CTNNA2: variants seen among roughly 807,000 people sequenced by gnomAD.
CTNNA2 encodes the protein catenin alpha 2.
A neutral mutation model predicts 101.0 loss-of-function variants in CTNNA2; 42 were observed. The ratio of observed to expected loss-of-function variants is 0.42; its 90% CI spans 0.32 to 0.54. The LOEUF is 0.54. Among genes scored for constraint, CTNNA2 ranks in the 20% least tolerant of loss-of-function variants. The pLI is 0.14. For missense variants in CTNNA2, 871 were observed against 1,223.1 expected, an observed-to-expected ratio of 0.71 and a Z score of 4.29; for synonymous variants, 450 against 456.4, an observed-to-expected ratio of 0.99 and a Z score of 0.18.
intron 7 of CTNNA2, among the ~76,000 whole-genome samples, chr2:80,207,564 A>C (rs893094960): frequency 1.3e-5 from 2 of 152,178 alleles, no homozygotes; most frequent in Non-Finnish European, 2.9e-5. Flanking sequence ...GATGAGGAAT[A>C]ACTAAGGGAT....
chr2:79,440,436 G>C (rs974958177), intron 4 of CTNNA2, among the ~76,000 whole-genome samples: 2 of 152,154 alleles, frequency 1.3e-5, no homozygotes, highest in Non-Finnish European at 2.9e-5. Context: ...TTGGTAAAAG[G>C]AAAGGAGAAT....
At chr2:79,685,508 A>G (rs991959132) in intron 2 of CTNNA2, among the ~76,000 whole-genome samples, 1 of 152,186 alleles carries the variant, frequency 6.6e-6, no homozygotes, top group Non-Finnish European at 1.5e-5. Context: ...CAACCTCAAC[A>G]TGCGACCCCC....
At chr2:79,672,099 A>T (rs900848135) in intron 2 of CTNNA2, among the ~76,000 whole-genome samples, 1 of 151,902 alleles carries the variant, frequency 6.6e-6, no homozygotes, top group African/African-American at 2.4e-5. Flanking sequence ...TATTTTCTAT[A>T]AAAAAAAGTT....
intron 1 of CTNNA2, among the ~76,000 whole-genome samples, chr2:79,531,715 T>C (rs1334693106): frequency 6.6e-6 from 1 of 151,336 alleles, no homozygotes; most frequent in Admixed American, 6.6e-5. Flanking sequence ...AGAGTCTCAC[T>C]CTGTTGCCCA....
At chr2:79,970,908 A>G (rs1690432543) in intron 7 of CTNNA2, among the ~76,000 whole-genome samples, 2 of 152,144 alleles carry the variant, frequency 1.3e-5, no homozygotes, top group Admixed American at 6.5e-5. Flanking sequence ...TGATTTGACA[A>G]CATTATTTCT....
At chr2:79,604,278 A>T (rs1052854583) in intron 1 of CTNNA2, among the ~76,000 whole-genome samples, 1 of 152,200 alleles carries the variant, frequency 6.6e-6, no homozygotes, top group African/African-American at 2.4e-5. Flanking sequence ...AGGTGGGAAG[A>T]TGGCATGAGG....
chr2:79,909,848 T>A (rs1355768078), intron 7 of CTNNA2, 51 bp downstream of exon 7: 1 of 1,513,134 alleles, frequency 6.6e-7, no homozygotes, highest in East Asian at 2.3e-5. Context: ...TGTTCTGCAA[T>A]CGTGTTGCTC....
At chr2:80,298,699 T>C (rs1558980028) in intron 7 of CTNNA2, 1 of 152,170 alleles carries the variant, frequency 6.6e-6, no homozygotes, top group East Asian at 1.9e-4. Flanking sequence ...AGAGAAAAGG[T>C]TGGGGGCTCT....
At chr2:80,289,382 C>T (rs867151420) in intron 7 of CTNNA2, among the ~76,000 whole-genome samples, 10 of 152,022 alleles carry the variant, frequency 6.6e-5, no homozygotes, top group African/African-American at 1.7e-4. Flanking sequence ...TATTACTTGC[C>T]CTACTAATCT....
intron 7 of CTNNA2, among the ~76,000 whole-genome samples, chr2:80,342,300 C>CTG (rs1672317084): frequency 1.3e-5 from 2 of 152,160 alleles, no homozygotes; most frequent in African/African-American, 4.8e-5. Flanking sequence ...CAAATAGTAT[C>CTG]ACCTGGAGTT....
At chr2:79,888,761 A>G (rs917203497) in intron 6 of CTNNA2, among the ~76,000 whole-genome samples, 14 of 152,172 alleles carry the variant, frequency 9.2e-5, no homozygotes, top group African/African-American at 3.1e-4. Context: ...ATATTGACAG[A>G]TTCTTTAGGT....
intron 1 of CTNNA2, among the ~76,000 whole-genome samples, chr2:79,648,900 T>C (rs1299773676): frequency 1.3e-5 from 2 of 152,314 alleles, no homozygotes; most frequent in Admixed American, 1.3e-4. Flanking sequence ...TTCAACAAAT[T>C]AGTACCGTGT....
At chr2:80,559,891 T>TATATATATATATATATATACACACACAC (rs1553387588) in intron 12 of CTNNA2, among the ~76,000 whole-genome samples, 2 of 146,818 alleles carry the variant, frequency 1.4e-5, no homozygotes, top group African/African-American at 2.6e-5. Flanking sequence ...TATATATATA[T>TATATATATATATATATATACACACACAC]ACACACACAT....
At chr2:80,402,098 A>G (rs1307662919) in intron 8 of CTNNA2, among the ~76,000 whole-genome samples, 1 of 152,166 alleles carries the variant, frequency 6.6e-6, no homozygotes, top group Non-Finnish European at 1.5e-5. Context: ...AGGTCCACCT[A>G]ATTTGCCAGA....
At chr2:80,435,117 C>T (rs191417327) in intron 9 of CTNNA2, among the ~76,000 whole-genome samples, 2 of 152,308 alleles carry the variant, frequency 1.3e-5, no homozygotes, top group Admixed American at 1.3e-4. Flanking sequence ...GCACTTCCCT[C>T]TAATTGCAAC....
intron 3 of CTNNA2, among the ~76,000 whole-genome samples, chr2:79,320,173 A>G (rs1343170915): frequency 6.6e-6 from 1 of 152,134 alleles, no homozygotes; most frequent in East Asian, 1.9e-4. Flanking sequence ...TGGCTGATGC[A>G]AAGAAAATCT....
intron 9 of CTNNA2, among the ~76,000 whole-genome samples, chr2:80,442,906 G>T (rs1303200792): frequency 2.0e-5 from 3 of 152,136 alleles, no homozygotes; most frequent in African/African-American, 7.2e-5. Context: ...GCTCTGACTG[G>T]AGTCAAGAAT....
intron 2 of CTNNA2, among the ~76,000 whole-genome samples, chr2:79,212,211 T>TA (rs907113442): frequency 6.6e-6 from 1 of 152,126 alleles, no homozygotes; most frequent in African/African-American, 2.4e-5. Flanking sequence ...AGAAACAGTG[T>TA]AAACCGGCAG....
At chr2:79,303,496 T>G (rs1676163075) in intron 2 of CTNNA2, among the ~76,000 whole-genome samples, 1 of 152,160 alleles carries the variant, frequency 6.6e-6, no homozygotes. Flanking sequence ...CAGGGTGCAC[T>G]TCTTAATCCT....
Sources: gnomAD v4.1 joint callset for allele counts (sites outside exome capture counted in the v4.1 genomes callset) on GRCh38, gnomAD v4.1.1 for gene constraint, MANE v1.5 for transcripts, NCBI Gene and HGNC (gene_info 2026-07-23, HGNC 2026-07-21) for gene names.